The following VAV3 variants were observed in gnomAD, a reference collection of about 807,000 sequenced individuals.
The protein encoded by VAV3 is guanine nucleotide exchange factor VAV3.
In VAV3, 94 loss-of-function variants were observed where a neutral mutation model predicts 131.2. The ratio of observed to expected loss-of-function variants is 0.72; its 90% CI spans 0.61 to 0.85. VAV3 has a LOEUF of 0.85. Ranked by LOEUF, VAV3 falls within the 40% of genes least tolerant of loss-of-function variation. The probability of loss-of-function intolerance (pLI) is 0.00; values close to 1 mark genes in which losing one functional copy is unlikely to be tolerated. For missense variants in VAV3, 939 were observed against 1,002.7 expected (o/e 0.94, Z 0.86); for synonymous variants, 349 against 342.0 (o/e 1.02, Z -0.22).
intron 2 of VAV3, among the ~76,000 whole-genome samples, chr1:107,844,036 C>T (rs895801154): frequency 5.3e-5 from 8 of 152,162 alleles, no homozygotes; most frequent in Admixed American, 3.9e-4. Flanking sequence ...GGCAAGATGG[C>T]TGAATAGGAA....
intron 20 of VAV3, among the ~76,000 whole-genome samples, chr1:107,620,507 A>G (rs985423443): frequency 6.6e-6 from 1 of 152,084 alleles, no homozygotes; most frequent in Non-Finnish European, 1.5e-5. Context: ...AGGCTACACT[A>G]TCTAGGTTTG....
chr1:107,755,693 G>A lies in VAV3; in HGVS notation c.1087-180C>T, dbSNP rs56394543. Among the ~76,000 whole-genome samples the A allele has an allele frequency of 1.9e-3, 285 of 152,260 alleles. 1 individual carries two copies. The highest frequency in any genetic ancestry group is 6.6e-3 in the African/African-American group (274 of 41,570). On this transcript the variant is annotated intron_variant, in intron 11 of 26. Transcript: ENST00000370056. ...TGCATCACAGAGGCAATTTTAAAAT[G>A]TCTGAAGTACAGCTGGGAAGACTGA...
chr1:107,733,886 G>C lies in VAV3; in HGVS notation c.1502+15082C>G, dbSNP rs572390366. On this transcript the variant is annotated intron_variant, in intron 15 of 26. Coordinates refer to ENST00000370056, the MANE Select transcript of VAV3 (RefSeq NM_006113.5). ...CCAACATTCAAATTCAGGAAATACAGAGAACACCAAGAACACCAATGTCAG... is the reference window on the plus strand; with the variant it reads ...CCAACATTCAAATTCAGGAAATACACAGAACACCAAGAACACCAATGTCAG... 2.6e-5 allele frequency among the ~76,000 whole-genome samples: 4 copies of C among 151,930 alleles called. No individual in the cohort carries two copies. In the South Asian group the frequency reaches 6.2e-4, roughly 24 times the overall value.
chr1:107,589,965 A>T (rs951543022), intron 25 of VAV3, among the ~76,000 whole-genome samples: 3 of 152,198 alleles, frequency 2.0e-5, no homozygotes, highest in African/African-American at 7.2e-5. Flanking sequence ...TACGACACAA[A>T]TTATCCAAGT....
chr1:107,776,859 A>T (rs1003775263), intron 4 of VAV3, among the ~76,000 whole-genome samples: 2 of 152,128 alleles, frequency 1.3e-5, no homozygotes, highest in African/African-American at 4.8e-5. Flanking sequence ...GCTCCAACCC[A>T]CACTTATCTC....
At chr1:107,775,650 C>T (rs553061950) in intron 4 of VAV3, among the ~76,000 whole-genome samples, 1 of 146,140 alleles carries the variant, frequency 6.8e-6, no homozygotes, top group Non-Finnish European at 1.5e-5. Context: ...CTTAAACAAT[C>T]TGAGTACATT....
intron 15 of VAV3, among the ~76,000 whole-genome samples, chr1:107,710,393 CT>C (rs1419911845): frequency 1.3e-5 from 2 of 152,140 alleles, no homozygotes; most frequent in Non-Finnish European, 2.9e-5. Flanking sequence ...ATGCAACAGG[CT>C]TTTTTGTATC....
Position 107,757,292 on chromosome 1 carries a change from G to A in VAV3, c.1055C>T (p.Ala352Val), listed in dbSNP as rs1468257428. The change falls in exon 11 of 27, where the codon GCA becomes GTA. Residue 352 changes from alanine (A) to valine (V), a missense_variant. Ala to Val is a moderately conservative substitution (Grantham distance 64, BLOSUM62 0). Coordinates refer to ENST00000370056, the MANE Select transcript of VAV3 (RefSeq NM_006113.5). Reference protein sequence around the residue: ...VKHTTDPTEKANLKLALDAMK... With the variant: ...VKHTTDPTEKVNLKLALDAMK... ...GGCATCAAGAGCCAGTTTCAGATTT[G>A]CCTTCTCAGTCGGATCAGTGGTATG... 6.2e-7 allele frequency: 1 copy of A among 1,613,302 alleles called. No homozygotes were observed. Among genetic ancestry groups the A allele is most frequent in the Non-Finnish European group, 8.5e-7 (1 of 1,179,760 alleles).
At chr1:107,813,079 C>T (rs1264368043) in intron 2 of VAV3, among the ~76,000 whole-genome samples, 3 of 148,320 alleles carry the variant, frequency 2.0e-5, no homozygotes, top group Non-Finnish European at 3.0e-5. Flanking sequence ...GCCGAGATTG[C>T]GTGCACTCTA....
intron 2 of VAV3, among the ~76,000 whole-genome samples, chr1:107,846,159 A>G (rs1668956712): frequency 2.0e-5 from 3 of 152,198 alleles, no homozygotes; most frequent in Admixed American, 6.5e-5. Flanking sequence ...ATTCTTAAAG[A>G]AAAGAATTTT....
chr1:107,750,987 T>C, intron 13 of VAV3, 130 bp downstream of exon 13: 1 of 832,316 alleles, frequency 1.2e-6, no homozygotes, highest in Non-Finnish European at 1.9e-6. Flanking sequence ...TTAGAAATCA[T>C]GGGTTGGTCT....
chr1:107,720,571 G>A (rs372527301), intron 15 of VAV3, among the ~76,000 whole-genome samples: 5 of 151,962 alleles, frequency 3.3e-5, no homozygotes, highest in Middle Eastern at 3.4e-3. Context: ...CCAGCTACTC[G>A]AGAGGCTGAG....
chr1:107,586,272 C>T (rs981229322), intron 25 of VAV3, among the ~76,000 whole-genome samples: 12 of 152,026 alleles, frequency 7.9e-5, no homozygotes, highest in Non-Finnish European at 1.8e-4. Flanking sequence ...TTTATCCATG[C>T]TATTCACTGC....
chr1:107,697,749 G>C (rs1456361062), intron 17 of VAV3, among the ~76,000 whole-genome samples: 1 of 152,122 alleles, frequency 6.6e-6, no homozygotes, highest in African/African-American at 2.4e-5. Context: ...GTTTCCATGG[G>C]AAGAAGGTAG....
chr1:107,576,485 A>G, intron 25 of VAV3: 2 of 1,500,972 alleles, frequency 1.3e-6, no homozygotes, highest in Non-Finnish European at 1.8e-6. Flanking sequence ...GCTTTGAGAA[A>G]GAAAGAAAAA....
intron 20 of VAV3, among the ~76,000 whole-genome samples, chr1:107,620,573 G>A (rs1363700311): frequency 6.6e-6 from 1 of 151,976 alleles, no homozygotes; most frequent in Non-Finnish European, 1.5e-5. Context: ...ATGTATCACT[G>A]TCATTAAGTA....
At chr1:107,728,631 GTA>G (rs1302440197) in intron 15 of VAV3, among the ~76,000 whole-genome samples, 21 of 123,776 alleles carry the variant, frequency 1.7e-4, no homozygotes, top group South Asian at 9.2e-4. Context: ...ATATGTATAT[GTA>G]TATGTATATG....
chr1:107,907,856 T>C (rs1571124708), intron 1 of VAV3, among the ~76,000 whole-genome samples: 1 of 152,284 alleles, frequency 6.6e-6, no homozygotes, highest in East Asian at 1.9e-4. Flanking sequence ...ACCCAGTCTA[T>C]GTATTCTGTT....
intron 2 of VAV3, among the ~76,000 whole-genome samples, chr1:107,863,858 A>G (rs1669860513): frequency 6.6e-6 from 1 of 152,216 alleles, no homozygotes; most frequent in Admixed American, 6.5e-5. Context: ...TTTTGGAAAC[A>G]TTCTCAGTAG....
Sources: gnomAD v4.1 joint callset for allele counts (sites outside exome capture counted in the v4.1 genomes callset) on GRCh38, gnomAD v4.1.1 for gene constraint, MANE v1.5 for transcripts, NCBI Gene and HGNC (gene_info 2026-07-23, HGNC 2026-07-21) for gene names.